The following AAK1 variants were observed in gnomAD, a reference collection of about 807,000 sequenced individuals.
The protein encoded by AAK1 is AP2 associated kinase 1, also known as AP2-associated protein kinase 1.
AAK1 carries 37 observed loss-of-function variants against 116.0 expected under a neutral mutation model. That is an observed-to-expected ratio of 0.32 (90% CI 0.25 to 0.42). The LOEUF (loss-of-function observed/expected upper bound fraction) is 0.42, where lower values mean the gene tolerates loss of function less well. AAK1 is among the 10% of genes least tolerant of loss of function. The pLI, the probability that AAK1 is intolerant of heterozygous loss-of-function variation, is 1.00. For synonymous variants in AAK1, 458 were observed against 439.9 expected (o/e 1.04, Z -0.51); for missense variants, 919 against 1,170.6 (o/e 0.79, Z 3.14).
At chr2:69,594,120 C>T (rs947630844) in intron 2 of AAK1, among the ~76,000 whole-genome samples, 4 of 152,234 alleles carry the variant, frequency 2.6e-5, no homozygotes, top group Non-Finnish European at 5.9e-5. Flanking sequence ...TGAGCAATTT[C>T]TACTGCCCCC....
intron 2 of AAK1, among the ~76,000 whole-genome samples, chr2:69,618,973 C>A (rs1477088180): frequency 6.6e-6 from 1 of 152,176 alleles, no homozygotes; most frequent in Admixed American, 6.5e-5. Context: ...AACCAATCAA[C>A]CCCCTGCTTA....
chr2:69,523,786 C>T (rs920486793), intron 10 of AAK1, among the ~76,000 whole-genome samples: 13 of 152,240 alleles, frequency 8.5e-5, no homozygotes, highest in African/African-American at 3.1e-4. Context: ...CCAGCCCTAA[C>T]CTCCAACCCA....
chr2:69,576,930 C>T (rs563065080), intron 2 of AAK1, among the ~76,000 whole-genome samples: 90 of 152,336 alleles, frequency 5.9e-4, no homozygotes, highest in African/African-American at 2.1e-3. Flanking sequence ...TCATTCTCCA[C>T]GGCATTAAGA....
chr2:69,487,697 T>C (rs1235967290), intron 17 of AAK1, among the ~76,000 whole-genome samples: 1 of 152,120 alleles, frequency 6.6e-6, no homozygotes. Flanking sequence ...AATGATTTAA[T>C]CTTCCTATGA....
In AAK1 at chr2:69,466,769, G is replaced by A. The variant is rs190530917; in HGVS notation, c.*9100C>T. 1.8e-3 allele frequency: 1,785 copies of A among 985,364 alleles called. 3 individuals are homozygous for A. The highest frequency in any genetic ancestry group is 3.7e-3 in the Middle Eastern group (7 of 1,914). The allele number at this position is 985,364 out of a possible 1,614,324, so 61.0% of individuals were successfully genotyped here. On this transcript the variant is annotated 3_prime_UTR_variant, in exon 22 of 22. Coordinates refer to ENST00000409085, the MANE Select transcript of AAK1 (RefSeq NM_014911.5). ...CGTTTTGGAACATGATAGGCACGAC[G>A]TACAGGAAAGGAGATGAAGATGTTA... is the stretch of plus-strand genomic sequence containing the variant.
Position 69,643,666 on chromosome 2 carries a change from C to T in AAK1, c.-326G>A. The T allele has an allele frequency of 8.2e-7, 1 of 1,225,822 alleles. No homozygotes were observed. The allele number at this position is 1,225,822 out of a possible 1,614,324, so 75.9% of individuals were successfully genotyped here. On this transcript the variant is annotated 5_prime_UTR_variant, in exon 1 of 22. Coordinates refer to ENST00000409085, the MANE Select transcript of AAK1 (RefSeq NM_014911.5). ...CCTGCGACGCAGAGAAGAGGCGGCG[C>T]TGCAGCGAGAGCCGGGGCCGCGCTC... is the stretch of plus-strand genomic sequence containing the variant.
rs1674547133 is a variant in AAK1 at position 69,468,060 on chromosome 2, TAA to T, written c.*7807_*7808del. ...TGAATTCCAGATTGGGGCGTTAAGTTAAATTCTGTACTGGTGCCAAATGGCTT... is the reference window on the plus strand; with the variant it reads ...TGAATTCCAGATTGGGGCGTTAAGTTATTCTGTACTGGTGCCAAATGGCTT... On this transcript the variant is annotated 3_prime_UTR_variant, in exon 22 of 22. Coordinates refer to ENST00000409085, the MANE Select transcript of AAK1 (RefSeq NM_014911.5). 7 of 985,350 alleles carry T rather than the reference TAA, an allele frequency of 7.1e-6. No individual in the cohort carries two copies. Among genetic ancestry groups the T allele is most frequent in the African/African-American group, 1.7e-5 (1 of 57,252 alleles). The allele number at this position is 985,350 out of a possible 1,614,324, so 61.0% of individuals were successfully genotyped here.
intron 16 of AAK1, among the ~76,000 whole-genome samples, chr2:69,497,085 A>C (rs1260848263): frequency 6.6e-6 from 1 of 152,124 alleles, no homozygotes; most frequent in African/African-American, 2.4e-5. Context: ...TAAACGTTAA[A>C]GACTAGCCAG....
chr2:69,508,936 T>A (rs1378605367), intron 14 of AAK1, among the ~76,000 whole-genome samples: 1 of 152,124 alleles, frequency 6.6e-6, no homozygotes, highest in Non-Finnish European at 1.5e-5. Flanking sequence ...AAACACACTG[T>A]AGAGCATGGA....
In AAK1 at chr2:69,467,534, A is replaced by C; in HGVS notation, c.*8335T>G. On this transcript the variant is annotated 3_prime_UTR_variant, in exon 22 of 22. Coordinates refer to ENST00000409085, the MANE Select transcript of AAK1 (RefSeq NM_014911.5). ...CCAGAGAAAGGGTGGTTGGGGGTAA[A>C]GGTATCATTTCATCATGGGCTCAGT... The C allele has an allele frequency of 1.0e-6, 1 of 985,432 alleles. No individual in the cohort carries two copies. The highest frequency in any genetic ancestry group is 1.2e-6 in the Non-Finnish European group (1 of 829,930). The allele number at this position is 985,432 out of a possible 1,614,324, so 61.0% of individuals were successfully genotyped here. A position where few individuals can be genotyped will look rare whatever the true frequency, so the allele number is the denominator to read the frequency against.
intron 17 of AAK1, among the ~76,000 whole-genome samples, chr2:69,494,778 G>A (rs1284816541): frequency 6.6e-6 from 1 of 152,052 alleles, no homozygotes; most frequent in Non-Finnish European, 1.5e-5. Flanking sequence ...AGTGGTTTTC[G>A]ATATTTTTAA....
intron 2 of AAK1, among the ~76,000 whole-genome samples, chr2:69,590,637 C>T (rs563593874): frequency 3.3e-5 from 5 of 152,338 alleles, no homozygotes; most frequent in African/African-American, 9.6e-5. Context: ...AAATCAAAAA[C>T]CATTTTTAGA....
chr2:69,519,348 T>C (rs1669648030), intron 11 of AAK1, 108 bp from the exon 12 acceptor site: 2 of 1,389,798 alleles, frequency 1.4e-6, no homozygotes, highest in Non-Finnish European at 1.9e-6. Context: ...GCAGAGTATC[T>C]CAAGATTCGT....
intron 17 of AAK1, among the ~76,000 whole-genome samples, chr2:69,484,465 C>G (rs72833934): frequency 0.012 from 1,854 of 152,204 alleles, 19 homozygotes; most frequent in Non-Finnish European, 0.019. Context: ...TGACAATAAG[C>G]TACATATCTC....
At chr2:69,559,458 A>G (rs1005698117) in intron 2 of AAK1, among the ~76,000 whole-genome samples, 1 of 152,190 alleles carries the variant, frequency 6.6e-6, no homozygotes, top group African/African-American at 2.4e-5. Flanking sequence ...TTCTCTTATA[A>G]TTAATCAGAA....
intron 2 of AAK1, among the ~76,000 whole-genome samples, chr2:69,575,325 G>A (rs933168339): frequency 6.6e-6 from 1 of 151,828 alleles, no homozygotes; most frequent in South Asian, 2.1e-4. Context: ...CCAGGACTAG[G>A]GTAAGGGGAA....
At chr2:69,622,509 C>G (rs541388205) in intron 2 of AAK1, among the ~76,000 whole-genome samples, 10 of 152,352 alleles carry the variant, frequency 6.6e-5, no homozygotes, top group African/African-American at 2.4e-4. Context: ...GCTCCCGAGT[C>G]TAGTGGAGAC....
intron 2 of AAK1, among the ~76,000 whole-genome samples, chr2:69,612,144 AT>A (rs1233969037): frequency 6.6e-6 from 1 of 152,270 alleles, no homozygotes; most frequent in East Asian, 1.9e-4. Flanking sequence ...TTAAAGTATA[AT>A]AAAAAAAGTT....
intron 6 of AAK1, among the ~76,000 whole-genome samples, 191 bp from the exon 7 acceptor site, chr2:69,530,897 G>A (rs150089773): frequency 5.1e-4 from 78 of 152,322 alleles, no homozygotes; most frequent in Admixed American, 1.0e-3. Context: ...ACACCAAGGC[G>A]TTCTGGCAGC....
Sources: allele counts gnomAD v4.1 joint callset (sites outside exome capture counted in the v4.1 genomes callset), GRCh38; gene constraint gnomAD v4.1.1; transcripts MANE v1.5; gene names NCBI Gene and HGNC (gene_info 2026-07-23, HGNC 2026-07-21).